The following WIPF1 variants were observed in gnomAD, a reference collection of about 807,000 sequenced individuals.
WIPF1 encodes WAS/WASL-interacting protein family member 1.
In WIPF1, 13 loss-of-function variants were observed where a neutral mutation model predicts 35.4. That is an observed-to-expected ratio of 0.37 (90% confidence interval 0.24 to 0.58). WIPF1 has a LOEUF of 0.58. WIPF1 is among the 20% of genes least tolerant of loss of function. The pLI is 0.74. For missense variants in WIPF1, 591 were observed against 667.0 expected (o/e 0.89, Z 1.25); for synonymous variants, 267 against 266.3 (o/e 1.00, Z -0.02).
At chr2:174,585,336 C>T (rs1685372797) in intron 2 of WIPF1, among the ~76,000 whole-genome samples, 187 bp downstream of exon 2, 1 of 152,204 alleles carries the variant, frequency 6.6e-6, no homozygotes, top group Non-Finnish European at 1.5e-5. Context: ...CTTAAACAAA[C>T]AAAACCCTTC....
chr2:174,594,827 G>T (rs1316353331), intron 1 of WIPF1, among the ~76,000 whole-genome samples: 2 of 72,814 alleles, frequency 2.7e-5, no homozygotes, highest in African/African-American at 4.2e-5. Flanking sequence ...TACCTCTGAA[G>T]AAGTGAAAAG....
At chr2:174,607,795 CAG>C (rs1283191709) in intron 1 of WIPF1, among the ~76,000 whole-genome samples, 1 of 152,212 alleles carries the variant, frequency 6.6e-6, no homozygotes, top group Non-Finnish European at 1.5e-5. Context: ...TCCACGAGGG[CAG>C]AGTTTGTCTT....
intron 1 of WIPF1, among the ~76,000 whole-genome samples, chr2:174,612,302 A>G (rs958140251): frequency 6.6e-6 from 1 of 152,190 alleles, no homozygotes; most frequent in African/African-American, 2.4e-5. Flanking sequence ...AAATGGGATC[A>G]TACTTTGGAT....
intron 1 of WIPF1, among the ~76,000 whole-genome samples, chr2:174,632,316 G>A (rs16862768): frequency 0.03 from 4,504 of 152,218 alleles, 97 homozygotes; most frequent in South Asian, 0.076. Flanking sequence ...GGAACACAGC[G>A]CAGTGAAAGT....
upstream of WIPF1, among the ~76,000 whole-genome samples, chr2:174,601,095 T>C (rs971562567): frequency 4.6e-5 from 7 of 151,936 alleles, no homozygotes; most frequent in Admixed American, 6.6e-5. Context: ...CTAATTTTTT[T>C]TTTGTATTTT....
intron 3 of WIPF1, among the ~76,000 whole-genome samples, chr2:174,579,772 G>A (rs1344031415): frequency 1.3e-5 from 2 of 152,210 alleles, no homozygotes; most frequent in Admixed American, 6.5e-5. Flanking sequence ...TTGCAGTGAG[G>A]AGAACCACAG....
chr2:174,627,246 T>C (rs991462606), intron 1 of WIPF1, among the ~76,000 whole-genome samples: 1 of 152,208 alleles, frequency 6.6e-6, no homozygotes, highest in Admixed American at 6.5e-5. Context: ...TTAGATTTAT[T>C]GTTTTTTGTC....
chr2:174,662,836 T>C (rs780299273), intron 1 of WIPF1, among the ~76,000 whole-genome samples: 3 of 152,236 alleles, frequency 2.0e-5, no homozygotes, highest in Non-Finnish European at 2.9e-5. Context: ...TTCCAGAAAG[T>C]ATTCAGAAGG....
At chr2:174,575,405 G>A in intron 3 of WIPF1, 25 bp from the exon 4 acceptor site, 1 of 1,585,872 alleles carries the variant, frequency 6.3e-7, no homozygotes, top group Non-Finnish European at 8.6e-7. Context: ...ACACCCGACA[G>A]ACTATGCCCC....
intron 1 of WIPF1, among the ~76,000 whole-genome samples, chr2:174,680,988 T>C (rs1222530081): frequency 6.6e-6 from 1 of 152,074 alleles, no homozygotes; most frequent in African/African-American, 2.4e-5. Flanking sequence ...GTTGAACACA[T>C]TACAGACAAT....
chr2:174,659,962 A>G (rs1263105560), intron 1 of WIPF1, among the ~76,000 whole-genome samples: 2 of 152,160 alleles, frequency 1.3e-5, no homozygotes, highest in Non-Finnish European at 2.9e-5. Context: ...AATTATTAAT[A>G]GTGCGCCCTT....
intron 3 of WIPF1, among the ~76,000 whole-genome samples, chr2:174,577,260 T>C (rs557857702): frequency 6.6e-6 from 1 of 152,344 alleles, no homozygotes; most frequent in African/African-American, 2.4e-5. Context: ...TTGCATTTTC[T>C]AGTATGCACA....
At chr2:174,632,548 A>G (rs1687055324) in intron 1 of WIPF1, among the ~76,000 whole-genome samples, 1 of 151,974 alleles carries the variant, frequency 6.6e-6, no homozygotes, top group African/African-American at 2.4e-5. Context: ...CGTATCTACT[A>G]AAAATACAAT....
At chr2:174,601,834 C>T (rs1361225679), upstream of WIPF1, among the ~76,000 whole-genome samples, 1 of 152,240 alleles carries the variant, frequency 6.6e-6, no homozygotes, top group African/African-American at 2.4e-5. Flanking sequence ...TCATGTCACA[C>T]AGCTGGCAGC....
intron 1 of WIPF1, among the ~76,000 whole-genome samples, chr2:174,640,152 T>C (rs1687268029): frequency 6.6e-6 from 1 of 151,882 alleles, no homozygotes; most frequent in Non-Finnish European, 1.5e-5. Context: ...GAACTATCTA[T>C]AAAAGAAATC....
At chr2:174,670,799 T>A (rs1687999671) in intron 1 of WIPF1, among the ~76,000 whole-genome samples, 1 of 152,222 alleles carries the variant, frequency 6.6e-6, no homozygotes, top group South Asian at 2.1e-4. Flanking sequence ...CATTAAGTAT[T>A]TGTATCCACT....
chr2:174,627,041 G>T (rs529106360), intron 1 of WIPF1, among the ~76,000 whole-genome samples: 3 of 152,142 alleles, frequency 2.0e-5, no homozygotes, highest in South Asian at 2.1e-4. Flanking sequence ...GGCATGTTCC[G>T]CTTCTGCGTC....
At chr2:174,575,525 G>A in intron 3 of WIPF1, 145 bp from the exon 4 acceptor site, 2 of 1,401,068 alleles carry the variant, frequency 1.4e-6, no homozygotes, top group Non-Finnish European at 1.9e-6. Flanking sequence ...GATTTTAAGA[G>A]TTCCCTCAGC....
Position 174,668,730 on chromosome 2 carries a change from G to C in WIPF1, c.-39+14044C>G, listed in dbSNP as rs549664602. Among the ~76,000 whole-genome samples the C allele has an allele frequency of 3.9e-5, 6 of 152,326 alleles. No homozygotes were observed. In the East Asian group the frequency reaches 1.2e-3, roughly 29 times the overall value. On this transcript the variant is annotated intron_variant, in intron 1 of 8. Transcript: ENST00000272746. ...GCTTCCCGCTGCCCTTTCCACAGTG[G>C]ATCAGTGGCCCTAACCCAGAAGCAT...
Sources: gnomAD v4.1 joint callset for allele counts (sites outside exome capture counted in the v4.1 genomes callset) on GRCh38, gnomAD v4.1.1 for gene constraint, MANE v1.5 for transcripts, NCBI Gene and HGNC (gene_info 2026-07-23, HGNC 2026-07-21) for gene names.